Variants in NCKAP5 observed in about 807,000 individuals in gnomAD.
The protein encoded by NCKAP5 is NCK associated protein 5.
A neutral mutation model predicts 167.0 loss-of-function variants in NCKAP5; 92 were observed. The observed-to-expected ratio is 0.55, with a 90% CI of 0.47 to 0.66. NCKAP5 has a LOEUF of 0.66. Ranked by LOEUF, NCKAP5 falls within the 30% of genes least tolerant of loss-of-function variation. The pLI is 0.00. For synonymous variants in NCKAP5, 891 were observed against 877.4 expected (o/e 1.02, Z -0.27); for missense variants, 2,378 against 2,315.0 (o/e 1.03, Z -0.56).
intron 6 of NCKAP5, among the ~76,000 whole-genome samples, chr2:133,057,033 G>A (rs902340756): frequency 6.6e-6 from 1 of 152,000 alleles, no homozygotes; most frequent in Non-Finnish European, 1.5e-5. Context: ...TTCATTTTTA[G>A]TACATCTGCT....
At chr2:133,101,532 T>C (rs2081514278) in intron 6 of NCKAP5, among the ~76,000 whole-genome samples, 1 of 149,748 alleles carries the variant, frequency 6.7e-6, no homozygotes, top group Non-Finnish European at 1.5e-5. Flanking sequence ...TTCCTACCCA[T>C]GAGCATGGAA....
intron 4 of NCKAP5, among the ~76,000 whole-genome samples, chr2:133,223,714 T>A (rs10469579): frequency 0.03 from 4,620 of 152,210 alleles, 235 homozygotes; most frequent in African/African-American, 0.11. Context: ...GGAGACTCTA[T>A]CAACATCCAT....
chr2:133,486,749 C>T (rs1323701394), intron 3 of NCKAP5, among the ~76,000 whole-genome samples: 1 of 152,120 alleles, frequency 6.6e-6, no homozygotes, highest in African/African-American at 2.4e-5. Context: ...TTTGATGTAA[C>T]TAAATAGTGT....
intron 8 of NCKAP5, among the ~76,000 whole-genome samples, chr2:132,900,315 C>T (rs974647172): frequency 2.0e-5 from 3 of 152,170 alleles, no homozygotes; most frequent in Non-Finnish European, 4.4e-5. Context: ...CGCAAACCCT[C>T]AACCTGTGAA....
At chr2:132,699,560 A>G (rs1359290958) in intron 19 of NCKAP5, among the ~76,000 whole-genome samples, 10 of 151,230 alleles carry the variant, frequency 6.6e-5, no homozygotes, top group Middle Eastern at 3.2e-3. Context: ...ATTCCCACCT[A>G]TGAGTGAGAA....
chr2:132,752,425 G>A (rs1186678065), intron 16 of NCKAP5, among the ~76,000 whole-genome samples: 1 of 152,226 alleles, frequency 6.6e-6, no homozygotes, highest in Admixed American at 6.5e-5. Flanking sequence ...AAACGGAAAG[G>A]CTTTTAATAA....
intron 11 of NCKAP5, among the ~76,000 whole-genome samples, chr2:132,797,464 A>G (rs1684698735): frequency 6.6e-6 from 1 of 152,194 alleles, no homozygotes; most frequent in African/African-American, 2.4e-5. Context: ...AAATACAATA[A>G]AAGTCGTGAT....
At chr2:133,152,110 G>A (rs2083403732) in intron 5 of NCKAP5, among the ~76,000 whole-genome samples, 1 of 152,166 alleles carries the variant, frequency 6.6e-6, no homozygotes, top group Non-Finnish European at 1.5e-5. Context: ...AAAATGCAGG[G>A]TAGCTCTCTG....
the NCKAP5 span, among the ~76,000 whole-genome samples, chr2:133,639,194 A>G: frequency 6.6e-6 from 1 of 152,172 alleles, no homozygotes; most frequent in African/African-American, 2.4e-5. Context: ...ATGTAGAGCA[A>G]TGGGAAGTCC....
intron 2 of NCKAP5, among the ~76,000 whole-genome samples, chr2:133,522,819 C>T (rs1264761368): frequency 6.6e-6 from 1 of 152,220 alleles, no homozygotes; most frequent in African/African-American, 2.4e-5. Flanking sequence ...CCTGCACCTA[C>T]AAAGAGCCAT....
At chr2:132,728,296 G>A (rs1382576595) in intron 18 of NCKAP5, among the ~76,000 whole-genome samples, 1 of 152,144 alleles carries the variant, frequency 6.6e-6, no homozygotes, top group Non-Finnish European at 1.5e-5. Flanking sequence ...GGAGTTCCGT[G>A]TGTGTCATCT....
rs141765338 is a variant in NCKAP5, at chr2:133,042,823, G to A, written c.342-48584C>T. ...AAAAATCAGCCATTTCTTTAAAGGT[G>A]GTCTTTTCTCTCTATTTCATCTTGT... On this transcript the variant is annotated intron_variant, in intron 6 of 19. Coordinates refer to ENST00000409261, the MANE Select transcript of NCKAP5 (RefSeq NM_207363.3). Among the ~76,000 whole-genome samples the A allele has an allele frequency of 7.4e-4, 112 of 152,070 alleles. 2 individuals are homozygous for A. The highest frequency in any genetic ancestry group is 2.6e-3 in the African/African-American group (106 of 41,474).
At chr2:133,215,974 A>T (rs2086410774) in intron 4 of NCKAP5, among the ~76,000 whole-genome samples, 2 of 152,130 alleles carry the variant, frequency 1.3e-5, no homozygotes, top group African/African-American at 4.8e-5. Flanking sequence ...CTAGCAACAA[A>T]CAATTGGAAA....
chr2:133,306,375 AAG>A (rs1156318436), intron 3 of NCKAP5, among the ~76,000 whole-genome samples: 1 of 152,224 alleles, frequency 6.6e-6, no homozygotes, highest in Non-Finnish European at 1.5e-5. Flanking sequence ...ACTGTAGGAC[AAG>A]AGAGAGGACA....
At chr2:132,888,514 T>C (rs1468040055) in intron 8 of NCKAP5, among the ~76,000 whole-genome samples, 1 of 152,068 alleles carries the variant, frequency 6.6e-6, no homozygotes, top group East Asian at 1.9e-4. Context: ...CTCAGCCTCC[T>C]GAGCAGCTGG....
chr2:132,894,915 G>A (rs1693021905), intron 8 of NCKAP5, among the ~76,000 whole-genome samples: 1 of 152,136 alleles, frequency 6.6e-6, no homozygotes, highest in South Asian at 2.1e-4. Flanking sequence ...GGTGCAGTAG[G>A]GGTAAAGCAG....
chr2:132,927,779 T>C (rs1023989468), intron 8 of NCKAP5, among the ~76,000 whole-genome samples: 1 of 152,112 alleles, frequency 6.6e-6, no homozygotes, highest in African/African-American at 2.4e-5. Context: ...GAGACATCGT[T>C]AGGGTTTTCT....
chr2:133,223,465 G>C (rs1182192368), intron 4 of NCKAP5, among the ~76,000 whole-genome samples: 1 of 152,078 alleles, frequency 6.6e-6, no homozygotes, highest in Non-Finnish European at 1.5e-5. Context: ...CTGTCGTGTG[G>C]GCAGATGGGG....
chr2:133,210,699 T>C (rs2086173997), intron 5 of NCKAP5, among the ~76,000 whole-genome samples: 1 of 152,044 alleles, frequency 6.6e-6, no homozygotes, highest in African/African-American at 2.4e-5. Context: ...TATAATTAAA[T>C]AGAAAAGTCA....
Sources: allele counts gnomAD v4.1 joint callset (sites outside exome capture counted in the v4.1 genomes callset), GRCh38; gene constraint gnomAD v4.1.1; transcripts MANE v1.5; gene names NCBI Gene and HGNC (gene_info 2026-07-23, HGNC 2026-07-21).